Variants in PDE1A observed in about 807,000 individuals in gnomAD.
PDE1A encodes phosphodiesterase 1A.
Under a neutral mutation model 61.7 loss-of-function variants are expected in PDE1A, and 35 were observed. That is an observed-to-expected ratio of 0.57 (90% CI 0.43 to 0.75). The LOEUF (loss-of-function observed/expected upper bound fraction) is 0.75. Ranked by LOEUF, PDE1A falls within the 30% of genes least tolerant of loss-of-function variation. The pLI is 0.00. For synonymous variants in PDE1A, 232 were observed against 213.2 expected (o/e 1.09, Z -0.77); for missense variants, 597 against 630.6 (o/e 0.95, Z 0.57).
chr2:182,142,660 A>C (rs1287518410), downstream of PDE1A: 2 of 152,244 alleles, frequency 1.3e-5, no homozygotes, highest in African/African-American at 4.8e-5. Flanking sequence ...TTATAGTTAT[A>C]GCACTCTGTG....
chr2:182,479,646 TA>T (rs965033970), intron 2 of PDE1A, among the ~76,000 whole-genome samples: 14 of 149,262 alleles, frequency 9.4e-5, no homozygotes, highest in Admixed American at 1.3e-4. Context: ...CTAAAGACTG[TA>T]AAAAAAAAAT....
intron 1 of PDE1A, among the ~76,000 whole-genome samples, chr2:182,298,383 G>A (rs1273441601): frequency 2.0e-5 from 3 of 152,150 alleles, no homozygotes; most frequent in African/African-American, 7.2e-5. Context: ...TTCTCCAGCT[G>A]GAGTAATATG....
chr2:182,233,983 G>A lies in PDE1A; in HGVS notation c.417+449C>T, dbSNP rs184301623. Reference sequence around the variant, plus strand: ...CTTTCTTAATTTTATCTTACATTTTGTATTTTTTCAGACCTACAATCCTAA... The same window carrying A: ...CTTTCTTAATTTTATCTTACATTTTATATTTTTTCAGACCTACAATCCTAA... On this transcript the variant is annotated intron_variant, in intron 4 of 13. Coordinates refer to ENST00000351439, the Ensembl canonical transcript of PDE1A. 6.0e-3 allele frequency among the ~76,000 whole-genome samples: 920 copies of A among 152,128 alleles called. 8 individuals carry two copies. The highest frequency in any genetic ancestry group is 0.021 in the African/African-American group (866 of 41,522).
At chr2:182,465,368 T>G (rs1686586378) in intron 2 of PDE1A, among the ~76,000 whole-genome samples, 1 of 152,096 alleles carries the variant, frequency 6.6e-6, no homozygotes, top group Non-Finnish European at 1.5e-5. Flanking sequence ...CTCTGCTTAC[T>G]TTGATTCAAA....
the PDE1A span, among the ~76,000 whole-genome samples, chr2:182,692,124 C>T: frequency 1.3e-5 from 2 of 152,236 alleles, no homozygotes; most frequent in East Asian, 3.9e-4. Context: ...GGCGATTCCT[C>T]GGGGATCTAG....
chr2:182,548,065 A>G, the PDE1A span, among the ~76,000 whole-genome samples: 3 of 152,326 alleles, frequency 2.0e-5, no homozygotes, highest in South Asian at 6.2e-4. Context: ...CAAGTTTAAA[A>G]TAAACATCTC....
chr2:182,423,659 C>T (rs1162365580), intron 1 of PDE1A, among the ~76,000 whole-genome samples: 1 of 152,172 alleles, frequency 6.6e-6, no homozygotes, highest in Non-Finnish European at 1.5e-5. Flanking sequence ...ATTTCAATCT[C>T]CCAGGATGTT....
chr2:182,424,785 C>T (rs1703500487), intron 1 of PDE1A, among the ~76,000 whole-genome samples: 1 of 152,152 alleles, frequency 6.6e-6, no homozygotes, highest in Admixed American at 6.5e-5. Flanking sequence ...AAAAGCAATG[C>T]CAACTGTCAA....
At chr2:182,259,311 A>G (rs985509998) in intron 2 of PDE1A, among the ~76,000 whole-genome samples, 3 of 152,162 alleles carry the variant, frequency 2.0e-5, no homozygotes, top group African/African-American at 7.2e-5. Flanking sequence ...TTCCTTGGTG[A>G]CCAGTACCCG....
At position 182,376,299 on chromosome 2, in the gene PDE1A, C is replaced by A. The variant is rs137875891; in HGVS notation, c.53+50279G>T. Among the ~76,000 whole-genome samples, 117 of 152,268 alleles carry A rather than the reference C, an allele frequency of 7.7e-4. 1 individual carries two copies. The Middle Eastern group carries it at 0.01, about 13-fold the overall frequency. On this transcript the variant is annotated intron_variant, in intron 1 of 13. Transcript: ENST00000351439. ...ATGCCTTTAACAGCACCCAAGTCAC[C>A]TCTTGAATGCTTTGCTGCTTAGAAA...
intron 1 of PDE1A, among the ~76,000 whole-genome samples, chr2:182,406,350 T>C (rs1270467760): frequency 7.4e-6 from 1 of 135,820 alleles, no homozygotes; most frequent in Non-Finnish European, 1.6e-5. Flanking sequence ...AGTCAATTTA[T>C]TTTTAGGTTT....
intron 1 of PDE1A, among the ~76,000 whole-genome samples, chr2:182,270,895 T>C (rs1692969620): frequency 6.6e-6 from 1 of 151,900 alleles, no homozygotes. Context: ...TCTTATCTAT[T>C]CTGCAGGTCG....
the PDE1A span, among the ~76,000 whole-genome samples, chr2:182,555,965 C>CAAA: frequency 1.3e-3 from 61 of 48,436 alleles, 6 homozygotes; most frequent in African/African-American, 2.1e-3. Context: ...AACTCCATCT[C>CAAA]AAAAAAAAAA....
the PDE1A span, among the ~76,000 whole-genome samples, chr2:182,563,956 G>A: frequency 2.6e-4 from 40 of 152,056 alleles, no homozygotes; most frequent in African/African-American, 8.7e-4. Context: ...GTCTCTGCAC[G>A]TGAGATGGGT....
At chr2:182,342,454 AG>A (rs1339947489) in intron 1 of PDE1A, among the ~76,000 whole-genome samples, 2 of 152,106 alleles carry the variant, frequency 1.3e-5, no homozygotes, top group African/African-American at 4.8e-5. Flanking sequence ...GAGGCAAAGG[AG>A]GGAGGATCAC....
chr2:182,167,506 C>T (rs1263530839), downstream of PDE1A, among the ~76,000 whole-genome samples: 1 of 152,122 alleles, frequency 6.6e-6, no homozygotes, highest in Non-Finnish European at 1.5e-5. Context: ...ATGTGCTTGA[C>T]TCTGCTCATA....
chr2:182,336,844 C>A (rs550355851), intron 1 of PDE1A, among the ~76,000 whole-genome samples: 2 of 150,896 alleles, frequency 1.3e-5, no homozygotes, highest in African/African-American at 4.9e-5. Context: ...ACAACAGGGC[C>A]TGTTGGGGGT....
At chr2:182,610,358 C>CTGA in the PDE1A span, among the ~76,000 whole-genome samples, 1 of 152,098 alleles carries the variant, frequency 6.6e-6, no homozygotes, top group Admixed American at 6.6e-5. Context: ...CTTTTGTGGG[C>CTGA]TGATTTTTTC....
At chr2:182,682,070 T>C in the PDE1A span, among the ~76,000 whole-genome samples, 1 of 152,246 alleles carries the variant, frequency 6.6e-6, no homozygotes. Flanking sequence ...TTCACAGCAC[T>C]TGAACTTGTT....
Sources: allele counts gnomAD v4.1 joint callset (sites outside exome capture counted in the v4.1 genomes callset), GRCh38; gene constraint gnomAD v4.1.1; transcripts MANE v1.5; gene names NCBI Gene and HGNC (gene_info 2026-07-23, HGNC 2026-07-21).